Variants in RGS7 observed in about 807,000 individuals in gnomAD.
RGS7 encodes the protein regulator of G-protein signaling 7.
In RGS7, 27 loss-of-function variants were observed where a neutral mutation model predicts 81.1. The ratio of observed to expected loss-of-function variants is 0.33; its 90% CI spans 0.25 to 0.46. The LOEUF (loss-of-function observed/expected upper bound fraction) is 0.46, where lower values mean the gene tolerates loss of function less well. Among genes scored for constraint, RGS7 ranks in the 20% least tolerant of loss-of-function variants. The pLI is 1.00. For missense variants in RGS7, 396 were observed against 607.4 expected, an observed-to-expected ratio of 0.65 and a Z score of 3.66; for synonymous variants, 208 against 207.7, an observed-to-expected ratio of 1.00 and a Z score of -0.01.
chr1:240,782,316 C>A (rs1211695597), intron 18 of RGS7, among the ~76,000 whole-genome samples: 1 of 152,230 alleles, frequency 6.6e-6, no homozygotes, highest in Non-Finnish European at 1.5e-5. Context: ...CATTTTGGAA[C>A]AATCATTTTC....
chr1:241,305,491 G>A (rs1328723782), intron 2 of RGS7: 4 of 151,952 alleles, frequency 2.6e-5, no homozygotes, highest in Non-Finnish European at 4.4e-5. Context: ...ACAGCTGGGT[G>A]GGCCATGAAG....
chr1:241,285,264 T>C (rs1201592013), intron 2 of RGS7, among the ~76,000 whole-genome samples: 1 of 152,120 alleles, frequency 6.6e-6, no homozygotes, highest in Non-Finnish European at 1.5e-5. Context: ...CCCATTGGCA[T>C]TGCTGGGTTG....
chr1:241,299,374 TAC>T (rs113389954), intron 2 of RGS7, among the ~76,000 whole-genome samples: 3,129 of 152,192 alleles, frequency 0.021, 122 homozygotes, highest in African/African-American at 0.072. Context: ...CTAAAAATAC[TAC>T]AGTTTTAGTG....
rs560806173 is a variant in RGS7, at chr1:241,229,879, C to A, written c.78+125820G>T. 2.4e-4 allele frequency among the ~76,000 whole-genome samples: 37 copies of A among 152,286 alleles called. 1 individual carries two copies. The South Asian group carries it at 7.3e-3, about 30-fold the overall frequency. The stretch of plus-strand genomic sequence containing the variant: ...ACTGAACATAAAGAATAGCAATGGG[C>A]TTGGCCTCCTACCTTAAAACCATAG... On this transcript the variant is annotated intron_variant, in intron 2 of 18. Transcript: ENST00000440928.
At chr1:241,147,618 C>T (rs1411085678) in intron 2 of RGS7, among the ~76,000 whole-genome samples, 2 of 151,430 alleles carry the variant, frequency 1.3e-5, no homozygotes, top group Non-Finnish European at 2.9e-5. Flanking sequence ...TTCATGCAAT[C>T]ATGCCAAAAG....
chr1:240,870,039 G>C lies in RGS7; in HGVS notation c.450+16C>G. Reference sequence around the variant, plus strand: ...CATTCTATGACTATCTTTGCCAGAAGGTCCTTGGTACTTACAGCCTCATAG... The same window carrying C: ...CATTCTATGACTATCTTTGCCAGAACGTCCTTGGTACTTACAGCCTCATAG... On this transcript the variant is annotated intron_variant, in intron 7 of 18. Coordinates refer to ENST00000440928, the MANE Select transcript of RGS7 (RefSeq NM_001364886.1). The C allele has an allele frequency of 6.2e-7, 1 of 1,610,990 alleles. No individual in the cohort carries two copies. Among genetic ancestry groups the C allele is most frequent in the Non-Finnish European group, 8.5e-7 (1 of 1,177,182 alleles).
chr1:241,209,498 T>C (rs1011002250), intron 2 of RGS7, among the ~76,000 whole-genome samples: 1 of 152,150 alleles, frequency 6.6e-6, no homozygotes, highest in African/African-American at 2.4e-5. Flanking sequence ...GTAGCACTTA[T>C]CAAGAGTTTA....
chr1:240,830,268 T>A (rs1470606225), intron 9 of RGS7, among the ~76,000 whole-genome samples: 1 of 152,202 alleles, frequency 6.6e-6, no homozygotes, highest in Non-Finnish European at 1.5e-5. Flanking sequence ...AGTGGGTGGA[T>A]GGGAGCCTGA....
chr1:241,188,676 C>G (rs2072341038), intron 2 of RGS7, among the ~76,000 whole-genome samples: 1 of 152,082 alleles, frequency 6.6e-6, no homozygotes, highest in Admixed American at 6.6e-5. Context: ...TCTTGGAACA[C>G]TAAGAAAAAG....
chr1:240,817,688 C>G (rs775486304), intron 10 of RGS7, among the ~76,000 whole-genome samples: 1 of 152,094 alleles, frequency 6.6e-6, no homozygotes, highest in Non-Finnish European at 1.5e-5. Flanking sequence ...CCGCAACCTC[C>G]GTCTCCTGGG....
intron 6 of RGS7, among the ~76,000 whole-genome samples, chr1:240,910,819 G>A (rs1479048778): frequency 1.3e-5 from 2 of 151,982 alleles, no homozygotes; most frequent in Non-Finnish European, 2.9e-5. Context: ...CCAGGTTCAA[G>A]GGGATTCTCA....
At chr1:241,342,623 A>G (rs192976436) in intron 2 of RGS7, among the ~76,000 whole-genome samples, 93 of 152,354 alleles carry the variant, frequency 6.1e-4, no homozygotes, top group African/African-American at 2.2e-3. Flanking sequence ...TTCAACAAAA[A>G]CAACAGAGTT....
intron 2 of RGS7, among the ~76,000 whole-genome samples, chr1:241,143,343 A>T (rs2068066985): frequency 6.6e-6 from 1 of 152,206 alleles, no homozygotes; most frequent in Non-Finnish European, 1.5e-5. Context: ...CGATAATGAC[A>T]TACCTGAGAC....
At chr1:241,068,724 G>A (rs540998589) in intron 3 of RGS7, among the ~76,000 whole-genome samples, 2 of 152,220 alleles carry the variant, frequency 1.3e-5, no homozygotes, top group South Asian at 4.2e-4. Flanking sequence ...GTGAGTGGGA[G>A]AAAGATGTTT....
At chr1:241,354,931 A>G (rs1453932524) in intron 2 of RGS7, among the ~76,000 whole-genome samples, 1 of 152,206 alleles carries the variant, frequency 6.6e-6, no homozygotes, top group Non-Finnish European at 1.5e-5. Flanking sequence ...TGATAACCAG[A>G]GTGAAGCTGC....
chr1:240,942,323 G>A (rs1677729521), intron 4 of RGS7, among the ~76,000 whole-genome samples: 1 of 152,160 alleles, frequency 6.6e-6, no homozygotes, highest in African/African-American at 2.4e-5. Context: ...GAGTACTTGA[G>A]TGTAAAGTAC....
At chr1:240,790,310 T>G (rs1022921991) in intron 18 of RGS7, among the ~76,000 whole-genome samples, 2 of 152,290 alleles carry the variant, frequency 1.3e-5, no homozygotes, top group African/African-American at 4.8e-5. Context: ...GAGTTTTCTT[T>G]TTTTAATTTA....
intron 2 of RGS7, among the ~76,000 whole-genome samples, chr1:241,284,897 G>C (rs566986826): frequency 6.6e-6 from 1 of 152,034 alleles, no homozygotes; most frequent in African/African-American, 2.4e-5. Flanking sequence ...TTGAGATGGA[G>C]TCTCCCTCTG....
At chr1:241,105,668 C>A (rs897611266) in intron 2 of RGS7, among the ~76,000 whole-genome samples, 2 of 152,140 alleles carry the variant, frequency 1.3e-5, no homozygotes, top group African/African-American at 4.8e-5. Context: ...TTTGCCGGAA[C>A]TTTACCACAA....
Sources: allele counts gnomAD v4.1 joint callset (sites outside exome capture counted in the v4.1 genomes callset), GRCh38; gene constraint gnomAD v4.1.1; transcripts MANE v1.5; gene names NCBI Gene and HGNC (gene_info 2026-07-23, HGNC 2026-07-21).